AFTPH: variants seen among roughly 807,000 people sequenced by gnomAD.
The protein encoded by AFTPH is aftiphilin.
Under a neutral mutation model 72.5 loss-of-function variants are expected in AFTPH, and 7 were observed. That is an observed-to-expected ratio of 0.10 (90% CI 0.05 to 0.18). The LOEUF is 0.18. Ranked by LOEUF, AFTPH falls within the 10% of genes least tolerant of loss-of-function variation. The probability of loss-of-function intolerance (pLI) is 1.00; values close to 1 mark genes in which losing one functional copy is unlikely to be tolerated. For missense variants in AFTPH, 979 were observed against 1,060.5 expected (o/e 0.92, Z 1.07); for synonymous variants, 337 against 370.1 (o/e 0.91, Z 1.03).
chr2:64,581,177 A>G lies in AFTPH; in HGVS notation c.2455+1631A>G. 6.3e-7 allele frequency: 1 copy of G among 1,581,564 alleles called. No individual in the cohort carries two copies. The highest frequency in any genetic ancestry group is 8.6e-7 in the Non-Finnish European group (1 of 1,163,260). On this transcript the variant is annotated intron_variant, in intron 7 of 8. Transcript: ENST00000238856. ...TGTGTGGCTGCCTACCAACACGGTCACTGAATTTCAAGCTAGTGGAGGTTC... is the reference window on the plus strand; with the variant it reads ...TGTGTGGCTGCCTACCAACACGGTCGCTGAATTTCAAGCTAGTGGAGGTTC...
At chr2:64,541,634 CAG>C (rs1282714097) in intron 1 of AFTPH, among the ~76,000 whole-genome samples, 1 of 152,000 alleles carries the variant, frequency 6.6e-6, no homozygotes, top group Non-Finnish European at 1.5e-5. Flanking sequence ...AATTCATTGA[CAG>C]TACATTTTGA....
At chr2:64,561,836 T>A (rs1258960003) in intron 2 of AFTPH, among the ~76,000 whole-genome samples, 1 of 152,252 alleles carries the variant, frequency 6.6e-6, no homozygotes, top group Non-Finnish European at 1.5e-5. Flanking sequence ...AATTAACAAC[T>A]AACTTTGTTG....
chr2:64,526,771 T>C (rs1181418529), intron 1 of AFTPH, among the ~76,000 whole-genome samples: 1 of 152,254 alleles, frequency 6.6e-6, no homozygotes, highest in African/African-American at 2.4e-5. Flanking sequence ...GCAGTATATA[T>C]GTTGCTCATA....
intron 7 of AFTPH, 60 bp from the exon 8 acceptor site, chr2:64,581,130 C>T (rs1177078602): frequency 8.1e-7 from 1 of 1,236,686 alleles, no homozygotes; most frequent in Non-Finnish European, 1.1e-6. Flanking sequence ...ACACATAACC[C>T]CTCCTCCCTT....
At chr2:64,538,789 C>T (rs997018904) in intron 1 of AFTPH, among the ~76,000 whole-genome samples, 6 of 152,150 alleles carry the variant, frequency 3.9e-5, no homozygotes, top group East Asian at 3.8e-4. Flanking sequence ...TGTAGGACAT[C>T]GTTGCTTACT....
intron 1 of AFTPH, among the ~76,000 whole-genome samples, chr2:64,535,183 G>T (rs928792084): frequency 6.6e-6 from 1 of 152,162 alleles, no homozygotes; most frequent in South Asian, 2.1e-4. Flanking sequence ...TAGCAGTTCA[G>T]TTTAGAAACA....
intron 1 of AFTPH, among the ~76,000 whole-genome samples, chr2:64,528,955 T>A (rs1223354178): frequency 4.6e-5 from 7 of 152,092 alleles, no homozygotes; most frequent in African/African-American, 1.4e-4. Context: ...AATGTAAGAA[T>A]AGAAGCAGAG....
chr2:64,570,075 A>G (rs916386632), intron 5 of AFTPH, among the ~76,000 whole-genome samples: 1 of 152,194 alleles, frequency 6.6e-6, no homozygotes, highest in African/African-American at 2.4e-5. Context: ...GATGTACATA[A>G]AAGCTTAGAA....
At chr2:64,547,740 T>TGTATC (rs113915239) in intron 1 of AFTPH, among the ~76,000 whole-genome samples, 71,027 of 151,460 alleles carry the variant, frequency 0.47, 19,294 homozygotes, top group African/African-American at 0.76. Flanking sequence ...GCTTTTGTAT[T>TGTATC]CTTTTGACAT....
At chr2:64,557,807 G>A (rs572101849) in intron 2 of AFTPH, among the ~76,000 whole-genome samples, 1 of 152,292 alleles carries the variant, frequency 6.6e-6, no homozygotes, top group East Asian at 1.9e-4. Context: ...TTTCCTTATA[G>A]ATCTTTCCTT....
At chr2:64,543,962 C>A (rs1462495331) in intron 1 of AFTPH, among the ~76,000 whole-genome samples, 1 of 152,182 alleles carries the variant, frequency 6.6e-6, no homozygotes, top group Non-Finnish European at 1.5e-5. Flanking sequence ...CTGTTGTATG[C>A]CCTGCCATCC....
chr2:64,524,484 A>G lies in AFTPH; in HGVS notation c.-161A>G. The stretch of plus-strand genomic sequence containing the variant: ...GGGCGTCCATGGTGCTGCTGCGCTG[A>G]CAGGGCTGTGAGCAGCCGGCCTTCC... On this transcript the variant is annotated 5_prime_UTR_variant, in exon 1 of 9. The change abolishes the stop of an existing upstream ORF in the 5' untranslated region. Transcript: ENST00000238856. The G allele has an allele frequency of 5.0e-6, 2 of 400,988 alleles. No individual in the cohort carries two copies. Among genetic ancestry groups the G allele is most frequent in the Non-Finnish European group, 8.8e-6 (2 of 227,076 alleles). The allele number at this position is 400,988 out of a possible 1,614,324, so 24.8% of individuals were successfully genotyped here.
intron 1 of AFTPH, among the ~76,000 whole-genome samples, chr2:64,536,248 G>T (rs1572944191): frequency 6.6e-6 from 1 of 152,194 alleles, no homozygotes; most frequent in East Asian, 1.9e-4. Flanking sequence ...AACAAAAGGG[G>T]GATGAGATTT....
chr2:64,592,247 G>A, exon 9 of AFTPH: 2 of 404,020 alleles, frequency 5.0e-6, no homozygotes, highest in Non-Finnish European at 8.7e-6. Flanking sequence ...TAAATAATCG[G>A]GGGTAAACAT....
chr2:64,543,720 A>G (rs1318365605), intron 1 of AFTPH, among the ~76,000 whole-genome samples: 1 of 152,174 alleles, frequency 6.6e-6, no homozygotes, highest in Non-Finnish European at 1.5e-5. Flanking sequence ...AAGTCCTCCA[A>G]CTTTGTTTTT....
At chr2:64,589,248 C>G (rs925631501) in intron 8 of AFTPH, among the ~76,000 whole-genome samples, 1 of 152,184 alleles carries the variant, frequency 6.6e-6, no homozygotes, top group African/African-American at 2.4e-5. Context: ...AGTCCACATT[C>G]ATTCTTGTGC....
intron 1 of AFTPH, among the ~76,000 whole-genome samples, chr2:64,550,427 C>T (rs1217275783): frequency 1.3e-5 from 2 of 152,040 alleles, no homozygotes; most frequent in Non-Finnish European, 2.9e-5. Flanking sequence ...CTCTCAAGGG[C>T]ATTATTAGGC....
intron 1 of AFTPH, 38 bp from the exon 2 acceptor site, chr2:64,551,405 T>C (rs1671040263): frequency 6.8e-7 from 1 of 1,468,846 alleles, no homozygotes; most frequent in Non-Finnish European, 9.2e-7. Flanking sequence ...TTCTATGTAA[T>C]CTGTCCCCTC....
At chr2:64,526,407 C>T (rs1014933418) in intron 1 of AFTPH, among the ~76,000 whole-genome samples, 1 of 152,150 alleles carries the variant, frequency 6.6e-6, no homozygotes, top group Non-Finnish European at 1.5e-5. Flanking sequence ...TCTCTCCCAA[C>T]CCTTCCCCCA....
Sources: allele counts gnomAD v4.1 joint callset (sites outside exome capture counted in the v4.1 genomes callset), GRCh38; gene constraint gnomAD v4.1.1; transcripts MANE v1.5; gene names NCBI Gene and HGNC (gene_info 2026-07-23, HGNC 2026-07-21).